The following PPFIA2 variants were observed in gnomAD, a reference collection of about 807,000 sequenced individuals.
The protein encoded by PPFIA2 is liprin-alpha-2.
Under a neutral mutation model 175.5 loss-of-function variants are expected in PPFIA2, and 46 were observed. The observed-to-expected ratio is 0.26, with a 90% CI of 0.21 to 0.34. The LOEUF is 0.34. Ranked by LOEUF, PPFIA2 falls within the 10% of genes least tolerant of loss-of-function variation. The probability of loss-of-function intolerance (pLI) is 1.00; values close to 1 mark genes in which losing one functional copy is unlikely to be tolerated. For synonymous variants in PPFIA2, 568 were observed against 511.4 expected (o/e 1.11, Z -1.49); for missense variants, 1,179 against 1,506.1 (o/e 0.78, Z 3.60).
At chr12:81,401,339 C>T (rs1377738341) in intron 8 of PPFIA2, among the ~76,000 whole-genome samples, 2 of 152,078 alleles carry the variant, frequency 1.3e-5, no homozygotes, top group African/African-American at 4.8e-5. Context: ...TGTTTCTATT[C>T]TTATAACTCT....
At chr12:81,447,393 C>T (rs2051493207) in intron 5 of PPFIA2, among the ~76,000 whole-genome samples, 1 of 152,112 alleles carries the variant, frequency 6.6e-6, no homozygotes, top group Admixed American at 6.6e-5. Flanking sequence ...GACTTCTGAC[C>T]TACTTTTAGC....
intron 22 of PPFIA2, among the ~76,000 whole-genome samples, chr12:81,319,411 C>A (rs1425185841): frequency 6.6e-6 from 1 of 151,802 alleles, no homozygotes. Context: ...TACATGATCA[C>A]ATGGCAAAGC....
chr12:81,569,961 C>G (rs2072169326), intron 4 of PPFIA2, among the ~76,000 whole-genome samples: 1 of 152,132 alleles, frequency 6.6e-6, no homozygotes, highest in Non-Finnish European at 1.5e-5. Flanking sequence ...AGTTTGATAA[C>G]TGAGAGAATG....
chr12:81,663,731 G>A (rs2069463761), intron 4 of PPFIA2, among the ~76,000 whole-genome samples: 1 of 152,142 alleles, frequency 6.6e-6, no homozygotes, highest in Non-Finnish European at 1.5e-5. Context: ...ACATTGCCAA[G>A]TCAATCCTAA....
At chr12:81,559,829 T>G (rs1187858036) in intron 4 of PPFIA2, among the ~76,000 whole-genome samples, 1 of 151,986 alleles carries the variant, frequency 6.6e-6, no homozygotes, top group Non-Finnish European at 1.5e-5. Flanking sequence ...GTTGTTTTTT[T>G]GCAATCTTCT....
At chr12:81,740,108 T>G (rs1229695752) in intron 3 of PPFIA2, among the ~76,000 whole-genome samples, 3 of 152,102 alleles carry the variant, frequency 2.0e-5, no homozygotes, top group Admixed American at 6.6e-5. Flanking sequence ...TATTCATTTT[T>G]GGGGAAATTT....
At chr12:81,686,788 G>A (rs1167816105) in intron 3 of PPFIA2, among the ~76,000 whole-genome samples, 1 of 152,028 alleles carries the variant, frequency 6.6e-6, no homozygotes, top group African/African-American at 2.4e-5. Flanking sequence ...AGTTTTCCTT[G>A]TAAATATCTG....
chr12:81,617,941 T>C (rs2061575424), intron 4 of PPFIA2, among the ~76,000 whole-genome samples: 1 of 152,052 alleles, frequency 6.6e-6, no homozygotes. Context: ...TGAGAAGAAG[T>C]AGAGGTGGTG....
At chr12:81,758,270 A>G (rs1568158903) in intron 2 of PPFIA2, 130 bp downstream of exon 2, 1 of 411,706 alleles carries the variant, frequency 2.4e-6, no homozygotes, top group Non-Finnish European at 5.0e-6. Flanking sequence ...AGGTGAAAGC[A>G]AAAGGCACCT....
At chr12:81,718,618 G>A (rs1453540288) in intron 3 of PPFIA2, among the ~76,000 whole-genome samples, 1 of 151,690 alleles carries the variant, frequency 6.6e-6, no homozygotes, top group Admixed American at 6.6e-5. Flanking sequence ...GATTTGTACA[G>A]TGGAAAATCT....
chr12:81,659,890 T>C (rs746602148), intron 4 of PPFIA2, among the ~76,000 whole-genome samples: 32 of 152,158 alleles, frequency 2.1e-4, no homozygotes, highest in Non-Finnish European at 3.8e-4. Flanking sequence ...CAATATTTGC[T>C]GTTCACCAAT....
intron 6 of PPFIA2, among the ~76,000 whole-genome samples, chr12:81,442,818 G>A (rs1336621929): frequency 9.0e-6 from 1 of 111,146 alleles, no homozygotes; most frequent in Non-Finnish European, 1.7e-5. Context: ...CTGTCCCCAA[G>A]GCATGGTTAA....
chr12:81,310,625 A>G (rs2050530606), intron 22 of PPFIA2, among the ~76,000 whole-genome samples: 1 of 152,144 alleles, frequency 6.6e-6, no homozygotes, highest in Non-Finnish European at 1.5e-5. Context: ...GATGACATGA[A>G]AACTGTGTTT....
rs757552136 is a variant in PPFIA2 at position 81,347,679 on chromosome 12, C to A, written c.2086G>T (p.Ala696Ser). Residue 696 changes from alanine (A) to serine (S), a missense_variant, in exon 18 of 33, where the codon GCA becomes TCA. Around this residue, in one of 10 missense-constraint regions of PPFIA2, gnomAD observed 223 missense variants for 241.6 expected, o/e 0.92. Transcript: ENST00000549396. ...ATGGAGGTACCTGGGTGGACCCTTG[C>A]CAAATTCAGGCCTTCGAGGCTCACA... ...ASVSLEGLNL[A>S]RVHPGTSITA... The A allele has an allele frequency of 6.2e-7, 1 of 1,613,820 alleles. No homozygotes were observed. Among genetic ancestry groups the A allele is most frequent in the Non-Finnish European group, 8.5e-7 (1 of 1,179,812 alleles).
In PPFIA2 at chr12:81,362,748, C is replaced by T; in HGVS notation, c.1582G>A (p.Glu528Lys). The change falls in exon 15 of 33, where the codon GAA becomes AAA. Residue 528 changes from glutamate (E) to lysine (K), a missense_variant. By Grantham distance (56) the Glu-to-Lys change is moderately conservative. Transcript: ENST00000549396. ...GTTCTCATTTTCAATTGGTCAAGTT[C>T]AGATCTCAGCTTTTCAATTTCTTCT... Reference protein sequence around the residue: ...LAEEIEKLRSELDQLKMRTGS... With the variant: ...LAEEIEKLRSKLDQLKMRTGS... The T allele has an allele frequency of 6.5e-7, 1 of 1,546,552 alleles. No individual in the cohort carries two copies. The highest frequency in any genetic ancestry group is 2.0e-5 in the Admixed American group (1 of 50,872).
chr12:81,748,828 G>C (rs34874236), intron 3 of PPFIA2, among the ~76,000 whole-genome samples: 19,713 of 143,802 alleles, frequency 0.14, 3,367 homozygotes, highest in East Asian at 0.34. Context: ...TTCATGATCT[G>C]GTCATCAGTT....
At chr12:81,723,432 A>T (rs1181909972) in intron 3 of PPFIA2, among the ~76,000 whole-genome samples, 1 of 151,024 alleles carries the variant, frequency 6.6e-6, no homozygotes, top group East Asian at 1.9e-4. Context: ...AAGTCAATGA[A>T]CTTTCTTAAG....
chr12:81,415,177 TAAAAAAAAAAAAAAAAAAAAAAAA>T (rs1165680008), intron 7 of PPFIA2, among the ~76,000 whole-genome samples: 1 of 15,340 alleles, frequency 6.5e-5, no homozygotes, highest in African/African-American at 2.5e-4. Context: ...TTGGTTCAGG[TAAAAAAAAAAAAAAAAAAAAAAAA>T]AAAAAAAAAA....
intron 4 of PPFIA2, among the ~76,000 whole-genome samples, chr12:81,493,303 T>C (rs946514881): frequency 1.3e-5 from 2 of 151,980 alleles, no homozygotes; most frequent in East Asian, 1.9e-4. Flanking sequence ...AGGTATGAGA[T>C]AGACTTAATA....
Sources: gnomAD v4.1 joint callset for allele counts (sites outside exome capture counted in the v4.1 genomes callset) on GRCh38, gnomAD v4.1.1 for gene constraint, gnomAD v4.1.1 regional missense constraint, MANE v1.5 for transcripts, NCBI Gene and HGNC (gene_info 2026-07-23, HGNC 2026-07-21) for gene names.